The following TAF4B variants were observed in gnomAD, a reference collection of about 807,000 sequenced individuals.
The protein encoded by TAF4B is transcription initiation factor TFIID subunit 4B.
Under a neutral mutation model 86.4 loss-of-function variants are expected in TAF4B, and 38 were observed. The ratio of observed to expected loss-of-function variants is 0.44; its 90% CI spans 0.34 to 0.58. TAF4B has a LOEUF of 0.58. Ranked by LOEUF, TAF4B falls within the 20% of genes least tolerant of loss-of-function variation. TAF4B has a pLI of 0.02. For missense variants in TAF4B, 988 were observed against 1,027.6 expected (o/e 0.96, Z 0.53); for synonymous variants, 388 against 391.2 (o/e 0.99, Z 0.10).
intron 7 of TAF4B, among the ~76,000 whole-genome samples, 199 bp downstream of exon 7, chr18:26,286,698 T>A (rs906711825): frequency 6.6e-6 from 1 of 152,130 alleles, no homozygotes; most frequent in Non-Finnish European, 1.5e-5. Flanking sequence ...AAGTCCTTTT[T>A]TTAAAGACAG....
At chr18:26,355,715 G>T (rs2057283698) in intron 13 of TAF4B, among the ~76,000 whole-genome samples, 1 of 152,184 alleles carries the variant, frequency 6.6e-6, no homozygotes, top group South Asian at 2.1e-4. Context: ...TGACTATCTT[G>T]CAGATGCCAT....
At chr18:26,232,546 A>T (rs12964410) in intron 1 of TAF4B, among the ~76,000 whole-genome samples, 31,465 of 152,174 alleles carry the variant, frequency 0.21, 4,065 homozygotes, top group Non-Finnish European at 0.3. Context: ...CACAGGACCT[A>T]GAAAGGGGAG....
chr18:26,310,364 T>TC (rs1426805269), intron 9 of TAF4B, among the ~76,000 whole-genome samples: 2 of 152,160 alleles, frequency 1.3e-5, no homozygotes. Context: ...TAAATATACT[T>TC]CCTAGGTGTT....
intron 9 of TAF4B, among the ~76,000 whole-genome samples, chr18:26,306,266 T>G (rs2056793782): frequency 6.6e-6 from 1 of 152,234 alleles, no homozygotes; most frequent in African/African-American, 2.4e-5. Flanking sequence ...GTTTTTGATG[T>G]GGTATGCAGT....
chr18:26,375,289 A>T (rs952391169), intron 14 of TAF4B, among the ~76,000 whole-genome samples: 1 of 152,134 alleles, frequency 6.6e-6, no homozygotes, highest in Non-Finnish European at 1.5e-5. Flanking sequence ...CCATTGTATG[A>T]ATATGCATTT....
intron 13 of TAF4B, among the ~76,000 whole-genome samples, chr18:26,356,625 T>G (rs2057290495): frequency 6.6e-6 from 1 of 152,160 alleles, no homozygotes; most frequent in Admixed American, 6.6e-5. Flanking sequence ...TGTCTTGATC[T>G]TGTTTGAATA....
At position 26,232,700 on chromosome 18, in the gene TAF4B, G is replaced by T. The variant is rs146655371; in HGVS notation, c.343+5424G>T. 6.1e-3 allele frequency among the ~76,000 whole-genome samples: 931 copies of T among 152,288 alleles called. 9 individuals carry two copies. The highest frequency in any genetic ancestry group is 0.021 in the African/African-American group (880 of 41,560). On this transcript the variant is annotated intron_variant, in intron 1 of 14. Transcript: ENST00000269142. The stretch of plus-strand genomic sequence containing the variant: ...AAAGCAACACTCTTCCCCTAAGAAG[G>T]TACAAAGTCCTCCTTTCTCAGCAGT...
At chr18:26,297,021 C>G (rs2056671041) in intron 9 of TAF4B, among the ~76,000 whole-genome samples, 1 of 151,944 alleles carries the variant, frequency 6.6e-6, no homozygotes, top group Non-Finnish European at 1.5e-5. Flanking sequence ...TGTCTGTAGT[C>G]TCAGCTACTT....
chr18:26,332,696 C>G (rs544628694), intron 12 of TAF4B, among the ~76,000 whole-genome samples: 1 of 151,896 alleles, frequency 6.6e-6, no homozygotes, highest in South Asian at 2.1e-4. Context: ...TGCCTGGCTA[C>G]TTTTTGCATT....
chr18:26,357,614 G>T, intron 13 of TAF4B, 76 bp from the exon 14 acceptor site: 1 of 963,294 alleles, frequency 1.0e-6, no homozygotes, highest in Middle Eastern at 2.2e-4. Flanking sequence ...GCAGAATTAG[G>T]CTTAGTAATC....
Position 26,390,058 on chromosome 18 carries a change from A to C in TAF4B, c.*46A>C. ...GATCCTTGCTATTTACTGCCAAAGA[A>C]GACACAAAGCATTGTTGCACTGTCC... On this transcript the variant is annotated 3_prime_UTR_variant, in exon 15 of 15. Coordinates refer to ENST00000269142, the MANE Select transcript of TAF4B (RefSeq NM_005640.3). 6.3e-7 allele frequency: 1 copy of C among 1,577,506 alleles called. No individual in the cohort carries two copies. Among genetic ancestry groups the C allele is most frequent in the Non-Finnish European group, 8.6e-7 (1 of 1,158,918 alleles).
chr18:26,384,313 AG>A (rs1978311283), intron 14 of TAF4B, among the ~76,000 whole-genome samples: 1 of 152,220 alleles, frequency 6.6e-6, no homozygotes, highest in South Asian at 2.1e-4. Context: ...TATTAGTCGT[AG>A]GATTCAGGGA....
chr18:26,270,068 A>C (rs558833155), intron 3 of TAF4B, among the ~76,000 whole-genome samples: 3 of 152,322 alleles, frequency 2.0e-5, no homozygotes, highest in African/African-American at 7.2e-5. Context: ...TGAGTACATA[A>C]ATAACACCAC....
At chr18:26,304,608 A>T (rs1791757) in intron 9 of TAF4B, among the ~76,000 whole-genome samples, 53,705 of 151,992 alleles carry the variant, frequency 0.35, 11,562 homozygotes, top group East Asian at 0.81. Context: ...ACTTGGAACC[A>T]CTTTAGTCTT....
At chr18:26,288,423 TCAGGAGTTTGAGAC>T (rs2056552841) in intron 7 of TAF4B, among the ~76,000 whole-genome samples, 1 of 151,860 alleles carries the variant, frequency 6.6e-6, no homozygotes, top group Non-Finnish European at 1.5e-5. Context: ...TCACCTGAGG[TCAGGAGTTTGAGAC>T]CAGCCTGCCC....
At chr18:26,353,875 T>C (rs963688443) in intron 13 of TAF4B, among the ~76,000 whole-genome samples, 8 of 152,202 alleles carry the variant, frequency 5.3e-5, no homozygotes, top group African/African-American at 1.9e-4. Flanking sequence ...TGCCAATTTT[T>C]TCTCTTATAG....
intron 10 of TAF4B, among the ~76,000 whole-genome samples, chr18:26,320,217 C>T (rs2144674700): frequency 6.6e-6 from 1 of 152,208 alleles, no homozygotes; most frequent in East Asian, 1.9e-4. Context: ...AAAACAATCA[C>T]AGTAGTGCTT....
At chr18:26,237,630 A>G (rs1383048911) in intron 1 of TAF4B, among the ~76,000 whole-genome samples, 1 of 152,104 alleles carries the variant, frequency 6.6e-6, no homozygotes, top group Non-Finnish European at 1.5e-5. Flanking sequence ...TGTGGGATGT[A>G]GATTGCAAGC....
chr18:26,384,215 A>G (rs1013581370), intron 14 of TAF4B, among the ~76,000 whole-genome samples: 20 of 152,202 alleles, frequency 1.3e-4, no homozygotes, highest in African/African-American at 4.3e-4. Flanking sequence ...GAATGTCATG[A>G]ATCTTTGCCT....
Sources: allele counts gnomAD v4.1 joint callset (sites outside exome capture counted in the v4.1 genomes callset), GRCh38; gene constraint gnomAD v4.1.1; transcripts MANE v1.5; gene names NCBI Gene and HGNC (gene_info 2026-07-23, HGNC 2026-07-21).